Variants in FAT3 observed in about 807,000 individuals in gnomAD.
The protein encoded by FAT3 is protocadherin Fat 3.
Under a neutral mutation model 310.2 loss-of-function variants are expected in FAT3, and 95 were observed. That is an observed-to-expected ratio of 0.31 (90% CI 0.26 to 0.36). FAT3 has a LOEUF of 0.36. Among genes scored for constraint, FAT3 ranks in the 10% least tolerant of loss-of-function variants. FAT3 has a pLI of 1.00. For synonymous variants in FAT3, 2,314 were observed against 2,192.9 expected (o/e 1.06, Z -1.54); for missense variants, 5,408 against 5,715.6 (o/e 0.95, Z 1.74).
At chr11:92,550,681 A>G (rs1194675200) in intron 3 of FAT3, among the ~76,000 whole-genome samples, 2 of 152,018 alleles carry the variant, frequency 1.3e-5, no homozygotes, top group Non-Finnish European at 2.9e-5. Flanking sequence ...GTTACCAGCA[A>G]TTGGCAAGCT....
chr11:92,323,231 G>A (rs944443669), intron 1 of FAT3, among the ~76,000 whole-genome samples: 6 of 149,924 alleles, frequency 4.0e-5, no homozygotes, highest in Admixed American at 1.3e-4. Flanking sequence ...ATATATATAT[G>A]TGTGTGTGTG....
chr11:92,410,485 G>T (rs990792970), intron 2 of FAT3, among the ~76,000 whole-genome samples: 4 of 152,058 alleles, frequency 2.6e-5, no homozygotes, highest in African/African-American at 7.2e-5. Flanking sequence ...ATTATGATGC[G>T]ATGCCCTACT....
intron 1 of FAT3, among the ~76,000 whole-genome samples, chr11:92,301,984 G>A (rs934383162): frequency 6.6e-6 from 1 of 152,022 alleles, no homozygotes; most frequent in Non-Finnish European, 1.5e-5. Flanking sequence ...CAAGGAAGGG[G>A]TTAACTGCTG....
intron 4 of FAT3, among the ~76,000 whole-genome samples, chr11:92,757,596 G>C (rs904889514): frequency 6.6e-5 from 10 of 152,184 alleles, no homozygotes; most frequent in East Asian, 3.9e-4. Flanking sequence ...TGGAATGATT[G>C]ATGATGCCAT....
chr11:92,262,304 C>G lies in FAT3; in HGVS notation c.-18+37130C>G, dbSNP rs147668601. Reference sequence around the variant, plus strand: ...TCATCTTTCCTTCTCATATGTTTTCCTGTAAGTAGTGTCTTTTTCCAGAAG... The same window carrying G: ...TCATCTTTCCTTCTCATATGTTTTCGTGTAAGTAGTGTCTTTTTCCAGAAG... On this transcript the variant is annotated intron_variant, in intron 1 of 27. Coordinates refer to ENST00000525166, the MANE Select transcript of FAT3 (RefSeq NM_001367949.2). Among the ~76,000 whole-genome samples the G allele has an allele frequency of 1.3e-3, 199 of 152,162 alleles. 1 individual carries two copies. The highest frequency in any genetic ancestry group is 4.4e-3 in the African/African-American group (184 of 41,534).
chr11:92,583,651 C>G (rs1273652169), intron 3 of FAT3, among the ~76,000 whole-genome samples: 3 of 151,918 alleles, frequency 2.0e-5, no homozygotes, highest in African/African-American at 7.3e-5. Flanking sequence ...TTACCCAGCC[C>G]TGCCTCTAAA....
rs150296085 is a variant in FAT3, at chr11:92,805,089, G to T, written c.8897-64G>T. ...GATGACTCCACATGCACCTCTCAAG[G>T]TAGATGTAGATTAAGACATTTCATT... On this transcript the variant is annotated intron_variant, in intron 10 of 27. Transcript: ENST00000525166. 1,987 of 1,537,386 alleles carry T rather than the reference G, an allele frequency of 1.3e-3. 11 individuals carry two copies. Among genetic ancestry groups the T allele is most frequent in the South Asian group, 8.0e-3 (636 of 79,690 alleles).
intron 3 of FAT3, among the ~76,000 whole-genome samples, chr11:92,578,384 G>C (rs923603294): frequency 3.9e-5 from 6 of 152,098 alleles, no homozygotes; most frequent in East Asian, 1.9e-4. Flanking sequence ...AAACACTAGT[G>C]TACTCCCTAC....
chr11:92,679,123 A>G (rs913677443), intron 3 of FAT3, among the ~76,000 whole-genome samples: 4 of 152,140 alleles, frequency 2.6e-5, no homozygotes, highest in Non-Finnish European at 5.9e-5. Context: ...GCTGCAAGAG[A>G]CATGATTTCA....
chr11:92,422,206 T>G (rs150081496), intron 2 of FAT3, among the ~76,000 whole-genome samples: 219 of 152,262 alleles, frequency 1.4e-3, no homozygotes, highest in African/African-American at 4.8e-3. Flanking sequence ...AAAGACAAGT[T>G]TGCTTTCTTT....
intron 2 of FAT3, among the ~76,000 whole-genome samples, chr11:92,378,031 T>G (rs1403146947): frequency 1.3e-5 from 2 of 152,168 alleles, no homozygotes; most frequent in East Asian, 3.9e-4. Context: ...AATACTGCAG[T>G]TTGTGTCATT....
In FAT3 at chr11:92,844,489, C is replaced by G. The variant is rs1948636398; in HGVS notation, c.11122C>G (p.His3708Asp). 1 of 1,613,906 alleles carries G rather than the reference C, an allele frequency of 6.2e-7. No homozygotes were observed. The highest frequency in any genetic ancestry group is 8.5e-7 in the Non-Finnish European group (1 of 1,179,846). The change falls in exon 19 of 28, where the codon CAC (histidine) becomes GAC (aspartate). Residue 3708 changes from histidine to aspartate, a missense_variant. By Grantham distance (81) the His-to-Asp change is moderately conservative. Transcript: ENST00000525166. ...QLDMLFAVEM[H>D]SSEFYKPAYL... is the part of the protein sequence containing the mutation. The stretch of plus-strand genomic sequence containing the variant: ...GGACATGCTGTTTGCGGTGGAGATG[C>G]ACAGCAGCGAGTTCTACAAGCCAGC...
Position 92,880,850 on chromosome 11 carries a change from A to G in FAT3, c.12247A>G (p.Ile4083Val). ...CTGCGATCCAATAGGAAACACTTTC[A>G]TCTGCAATTGTAAAGCTGGGCTCAC... ...GSCDPIGNTF[I>V]CNCKAGLTGV... Residue 4083 changes from isoleucine to valine, a missense_variant, in exon 23 of 28, where the codon ATC (isoleucine) becomes GTC (valine). This residue lies in a region of FAT3 where 649 missense variants were observed against 666.2 expected (regional missense o/e 0.97). Coordinates refer to ENST00000525166, the MANE Select transcript of FAT3 (RefSeq NM_001367949.2). The G allele has an allele frequency of 1.2e-6, 2 of 1,613,988 alleles. No homozygotes were observed. The highest frequency in any genetic ancestry group is 1.7e-6 in the Non-Finnish European group (2 of 1,179,888).
At chr11:92,616,307 T>C (rs975667324) in intron 3 of FAT3, among the ~76,000 whole-genome samples, 4 of 151,948 alleles carry the variant, frequency 2.6e-5, no homozygotes, top group African/African-American at 9.7e-5. Flanking sequence ...AACCCCTGCT[T>C]TTTTTTTGTT....
Position 92,893,499 on chromosome 11 carries a change from G to A in FAT3, c.*2386G>A, listed in dbSNP as rs986622255. On this transcript the variant is annotated 3_prime_UTR_variant, in exon 28 of 28. Transcript: ENST00000525166. ...CATTTCCTGCCCCCAGGAAATATTA[G>A]AATGAGATTAATGCTGATGAGTCCC... The A allele has an allele frequency of 6.6e-6, 1 of 152,148 alleles. No individual in the cohort carries two copies. Among genetic ancestry groups the A allele is most frequent in the Non-Finnish European group, 1.5e-5 (1 of 68,020 alleles). The allele number at this position is 152,148 out of a possible 1,614,324, so 9.4% of individuals were successfully genotyped here. A position where few individuals can be genotyped will look rare whatever the true frequency, so the allele number is the denominator to read the frequency against.
At chr11:92,861,801 A>T (rs1356914899) in intron 21 of FAT3, among the ~76,000 whole-genome samples, 1 of 152,238 alleles carries the variant, frequency 6.6e-6, no homozygotes, top group Non-Finnish European at 1.5e-5. Context: ...TGTGCCTTGC[A>T]CTTTGGTTCA....
chr11:92,863,599 G>T (rs984463586), intron 21 of FAT3, among the ~76,000 whole-genome samples: 1 of 152,074 alleles, frequency 6.6e-6, no homozygotes, highest in Non-Finnish European at 1.5e-5. Context: ...CCTAACCCTA[G>T]CAAATCATTT....
intron 1 of FAT3, among the ~76,000 whole-genome samples, chr11:92,281,169 A>C (rs1946410335): frequency 6.6e-6 from 1 of 152,132 alleles, no homozygotes; most frequent in Non-Finnish European, 1.5e-5. Flanking sequence ...AAATGACAAG[A>C]GTATGAAACA....
chr11:92,432,150 T>G (rs2135030978), intron 2 of FAT3, among the ~76,000 whole-genome samples: 1 of 152,354 alleles, frequency 6.6e-6, no homozygotes, highest in African/African-American at 2.4e-5. Flanking sequence ...TTCTTCCATT[T>G]GTTTGTATCC....
Sources: allele counts gnomAD v4.1 joint callset (sites outside exome capture counted in the v4.1 genomes callset), GRCh38; gene constraint gnomAD v4.1.1; regional missense constraint gnomAD v4.1.1; transcripts MANE v1.5; gene names NCBI Gene and HGNC (gene_info 2026-07-23, HGNC 2026-07-21).